The following PPP4R3B variants were observed in gnomAD, a reference collection of about 807,000 sequenced individuals.
PPP4R3B encodes serine/threonine-protein phosphatase 4 regulatory subunit 3B.
PPP4R3B carries 52 observed loss-of-function variants against 95.4 expected under a neutral mutation model. That is an observed-to-expected ratio of 0.54 (90% CI 0.44 to 0.69). The LOEUF is 0.69. Among genes scored for constraint, PPP4R3B ranks in the 30% least tolerant of loss-of-function variants. The pLI, the probability that PPP4R3B is intolerant of heterozygous loss-of-function variation, is 0.00. For missense variants in PPP4R3B, 1,003 were observed against 1,005.9 expected, an observed-to-expected ratio of 1.00 and a Z score of 0.04; for synonymous variants, 407 against 343.9, an observed-to-expected ratio of 1.18 and a Z score of -2.03.
chr2:55,553,605 C>G (rs1480610606), intron 16 of PPP4R3B, among the ~76,000 whole-genome samples: 1 of 152,078 alleles, frequency 6.6e-6, no homozygotes, highest in Non-Finnish European at 1.5e-5. Context: ...CCTCATTCCC[C>G]CACCACCCCC....
chr2:55,550,044 A>G (rs761768895), intron 16 of PPP4R3B, 38 bp from the exon 17 acceptor site: 44 of 1,422,658 alleles, frequency 3.1e-5, no homozygotes, highest in Admixed American at 6.2e-5. Flanking sequence ...TTAAACATAT[A>G]TAACAAAAAA....
chr2:55,568,168 A>G (rs778346171), intron 13 of PPP4R3B, 26 bp downstream of exon 13: 3 of 1,411,660 alleles, frequency 2.1e-6, no homozygotes, highest in Non-Finnish European at 1.9e-6. Flanking sequence ...ATTACATATA[A>G]TAACAGCTGT....
intron 3 of PPP4R3B, among the ~76,000 whole-genome samples, chr2:55,603,009 T>C (rs1013640916): frequency 1.3e-5 from 2 of 151,620 alleles, no homozygotes; most frequent in South Asian, 4.2e-4. Flanking sequence ...GACTGGAGTG[T>C]AGTGGCATTA....
intron 4 of PPP4R3B, among the ~76,000 whole-genome samples, chr2:55,596,521 A>C (rs1359432525): frequency 6.6e-6 from 1 of 152,246 alleles, no homozygotes; most frequent in African/African-American, 2.4e-5. Flanking sequence ...AAATAGAATG[A>C]TGTCTTCTGT....
chr2:55,610,701 G>C (rs567750706), intron 2 of PPP4R3B, among the ~76,000 whole-genome samples: 3 of 152,078 alleles, frequency 2.0e-5, no homozygotes, highest in East Asian at 1.9e-4. Context: ...ATGCTTTCAC[G>C]GGCTTTCAGT....
At chr2:55,606,564 G>A (rs371184614) in intron 2 of PPP4R3B, among the ~76,000 whole-genome samples, 37 of 152,054 alleles carry the variant, frequency 2.4e-4, no homozygotes, top group African/African-American at 8.4e-4. Context: ...GCTCACACCT[G>A]TAATCCCAGC....
intron 14 of PPP4R3B, 90 bp from the exon 15 acceptor site, chr2:55,564,587 C>A: frequency 8.6e-7 from 1 of 1,162,592 alleles, no homozygotes; most frequent in Non-Finnish European, 1.2e-6. Context: ...CCAAGATGAA[C>A]TGAAGTAATT....
intron 2 of PPP4R3B, among the ~76,000 whole-genome samples, chr2:55,613,649 T>C (rs1694501626): frequency 6.6e-6 from 1 of 152,122 alleles, no homozygotes; most frequent in South Asian, 2.1e-4. Flanking sequence ...ACCTACTCCA[T>C]AATGTGATGT....
At chr2:55,558,282 T>C in intron 16 of PPP4R3B, among the ~76,000 whole-genome samples, 1 of 152,162 alleles carries the variant, frequency 6.6e-6, no homozygotes, top group African/African-American at 2.4e-5. Flanking sequence ...TAGAATCAAC[T>C]TAAGTGCTCC....
chr2:55,582,074 G>C (rs1389799590), intron 7 of PPP4R3B, among the ~76,000 whole-genome samples: 1 of 152,046 alleles, frequency 6.6e-6, no homozygotes, highest in African/African-American at 2.4e-5. Flanking sequence ...GACTAAACAA[G>C]CAAGATCACA....
intron 15 of PPP4R3B, among the ~76,000 whole-genome samples, chr2:55,563,677 T>C (rs886659341): frequency 6.6e-6 from 1 of 152,112 alleles, no homozygotes; most frequent in African/African-American, 2.4e-5. Flanking sequence ...CCCAGCAAGG[T>C]ATAAATTTTA....
chr2:55,585,603 G>C (rs937460340), intron 6 of PPP4R3B, among the ~76,000 whole-genome samples: 3 of 152,090 alleles, frequency 2.0e-5, no homozygotes, highest in African/African-American at 7.2e-5. Flanking sequence ...TCTATTTCCT[G>C]TGACTCACCT....
chr2:55,593,718 T>G (rs541608163), intron 4 of PPP4R3B, among the ~76,000 whole-genome samples: 2 of 151,994 alleles, frequency 1.3e-5, no homozygotes, highest in African/African-American at 2.4e-5. Flanking sequence ...TTAGGCAACA[T>G]AGCAAAACCC....
intron 14 of PPP4R3B, among the ~76,000 whole-genome samples, 153 bp downstream of exon 14, chr2:55,564,748 TG>T (rs1384262295): frequency 2.6e-5 from 4 of 152,132 alleles, no homozygotes; most frequent in African/African-American, 9.7e-5. Flanking sequence ...ATAAATGATA[TG>T]GGGTAGGGGG....
Position 55,548,884 on chromosome 2 carries a change from A to G in PPP4R3B, c.*1027T>C, listed in dbSNP as rs1484353552. ...TATGGAATGTGCTTTTACTCTTCTT[A>G]AAAAAGCAGCTTTCATATCACACCC... is the stretch of plus-strand genomic sequence containing the variant. On this transcript the variant is annotated 3_prime_UTR_variant, in exon 17 of 17. Transcript: ENST00000616407. 6.6e-6 allele frequency: 1 copy of G among 152,642 alleles called. No individual in the cohort carries two copies. The highest frequency in any genetic ancestry group is 1.9e-4 in the East Asian group (1 of 5,202). 9.5% of individuals were successfully genotyped at this position (152,642 alleles called of 1,614,324 possible).
At position 55,554,898 on chromosome 2, in the gene PPP4R3B, C is replaced by A. The variant is rs1189436345; in HGVS notation, c.2454+3877G>T. 2.0e-5 allele frequency among the ~76,000 whole-genome samples: 3 copies of A among 152,056 alleles called. No homozygotes were observed. In the South Asian group the frequency reaches 6.2e-4, roughly 32 times the overall value. ...AACTTTTACATTTGGATCTTTTCAT[C>A]CATTTTGAGAGGAGTTTTGGATATG... On this transcript the variant is annotated intron_variant, in intron 16 of 16. Coordinates refer to ENST00000616407, the MANE Select transcript of PPP4R3B (RefSeq NM_001122964.3).
Position 55,573,733 on chromosome 2 carries a change from G to A in PPP4R3B, c.1651C>T (p.Leu551Phe). 6.5e-7 allele frequency: 1 copy of A among 1,539,374 alleles called. No homozygotes were observed. Among genetic ancestry groups the A allele is most frequent in the East Asian group, 2.5e-5 (1 of 40,402 alleles). The change falls in exon 12 of 17, where the codon CTC (leucine) becomes TTC (phenylalanine). Residue 551 changes from leucine to phenylalanine, a missense_variant. Physicochemically the swap from Leu to Phe is conservative, Grantham distance 22. This residue lies in a region of PPP4R3B where 695 missense variants were observed against 686.2 expected (regional missense o/e 1.01). Transcript: ENST00000616407. ...AQLLALILEL[L>F]TFCVEHHTYH... The stretch of plus-strand genomic sequence containing the variant: ...GTGTGATGTTCCACACAAAATGTGA[G>A]TAACTCTAAAATTAAGGCAAGTAGC...
Position 55,584,074 on chromosome 2 carries a change from GCA to G in PPP4R3B, c.1233+975_1233+976del, listed in dbSNP as rs1278299742. 1.3e-4 allele frequency among the ~76,000 whole-genome samples: 19 copies of G among 151,932 alleles called. 1 individual carries two copies. Among genetic ancestry groups the G allele is most frequent in the Admixed American group, 6.6e-4 (10 of 15,260 alleles). On this transcript the variant is annotated intron_variant, in intron 7 of 16. Transcript: ENST00000616407. ...TACACAGTTAGCCAGGCGTGGTGGC[GCA>G]CAGAGGTTACAGTGAGCCGAGAATG...
At chr2:55,582,724 G>A (rs1193303298) in intron 7 of PPP4R3B, among the ~76,000 whole-genome samples, 2 of 152,110 alleles carry the variant, frequency 1.3e-5, no homozygotes, top group Non-Finnish European at 2.9e-5. Context: ...AACGAGAGGA[G>A]AGCATAAATC....
Sources: allele counts gnomAD v4.1 joint callset (sites outside exome capture counted in the v4.1 genomes callset), GRCh38; gene constraint gnomAD v4.1.1; regional missense constraint gnomAD v4.1.1; transcripts MANE v1.5; gene names NCBI Gene and HGNC (gene_info 2026-07-23, HGNC 2026-07-21).